PIK3R1: variants seen among roughly 807,000 people sequenced by gnomAD.
The protein encoded by PIK3R1 is phosphatidylinositol 3-kinase regulatory subunit alpha.
A neutral mutation model predicts 98.0 loss-of-function variants in PIK3R1; 29 were observed. The ratio of observed to expected loss-of-function variants is 0.30; its 90% confidence interval spans 0.22 to 0.40. The LOEUF is 0.40. Among genes scored for constraint, PIK3R1 ranks in the 10% least tolerant of loss-of-function variants. The probability of loss-of-function intolerance (pLI) is 1.00; values close to 1 mark genes in which losing one functional copy is unlikely to be tolerated. For synonymous variants in PIK3R1, 282 were observed against 311.8 expected (o/e 0.90, Z 1.01); for missense variants, 596 against 872.7 (o/e 0.68, Z 3.99).
intron 2 of PIK3R1, among the ~76,000 whole-genome samples, chr5:68,260,570 A>G (rs996554607): frequency 6.6e-6 from 1 of 152,218 alleles, no homozygotes; most frequent in African/African-American, 2.4e-5. Context: ...AGAGGTTGTA[A>G]TATCTGCTCT....
intron 7 of PIK3R1, chr5:68,291,908 C>T (rs1214732068): frequency 1.2e-5 from 2 of 170,524 alleles, no homozygotes; most frequent in African/African-American, 4.8e-5. Flanking sequence ...TAGTTTCTTA[C>T]TTTAGATGGA....
At chr5:68,260,539 G>C (rs973086021) in intron 2 of PIK3R1, among the ~76,000 whole-genome samples, 1 of 152,128 alleles carries the variant, frequency 6.6e-6, no homozygotes, top group East Asian at 1.9e-4. Context: ...GAAAGACAAG[G>C]GCCCTTGGAT....
intron 6 of PIK3R1, 76 bp from the exon 7 acceptor site, chr5:68,280,851 A>T: frequency 8.0e-7 from 1 of 1,255,412 alleles, no homozygotes. Context: ...TATCACACAC[A>T]TTCACTTGAG....
intron 1 of PIK3R1, among the ~76,000 whole-genome samples, chr5:68,223,837 A>G (rs564859622): frequency 3.9e-5 from 6 of 152,346 alleles, no homozygotes; most frequent in African/African-American, 1.2e-4. Context: ...TTTTCTTAAT[A>G]CAGAGCCCCC....
At chr5:68,271,076 A>G (rs748302355) in intron 2 of PIK3R1, among the ~76,000 whole-genome samples, 3 of 152,168 alleles carry the variant, frequency 2.0e-5, no homozygotes, top group Non-Finnish European at 2.9e-5. Flanking sequence ...TCTTATCAAA[A>G]GAGTATGTCC....
rs540239981 is a variant in PIK3R1 at position 68,281,810 on chromosome 5, A to G, written c.916+804A>G. On this transcript the variant is annotated intron_variant, in intron 7 of 15. Coordinates refer to ENST00000521381, the MANE Select transcript of PIK3R1 (RefSeq NM_181523.3). ...TTATTATAGGTAATATATGCAGATT[A>G]CCATATTTATCTCTGTATGAGCAGG... 3.5e-4 allele frequency among the ~76,000 whole-genome samples: 53 copies of G among 152,320 alleles called. No individual in the cohort carries two copies. The South Asian group carries it at 8.3e-3, about 24-fold the overall frequency.
intron 15 of PIK3R1, 126 bp from the exon 16 acceptor site, chr5:68,297,286 G>A (rs772603959): frequency 1.1e-5 from 8 of 740,084 alleles, no homozygotes; most frequent in African/African-American, 3.6e-5. Flanking sequence ...CCAGGTGTCA[G>A]TTGTAACCTA....
chr5:68,224,216 G>A (rs1414962035), intron 1 of PIK3R1, among the ~76,000 whole-genome samples: 1 of 152,226 alleles, frequency 6.6e-6, no homozygotes, highest in Non-Finnish European at 1.5e-5. Context: ...TTTGTACAGA[G>A]TACATTAGTA....
intron 5 of PIK3R1, 55 bp downstream of exon 5, chr5:68,279,788 G>A (rs1001526978): frequency 5.2e-6 from 8 of 1,543,800 alleles, no homozygotes. Context: ...ATGTAGAGGT[G>A]CTTGTATATG....
intron 4 of PIK3R1, among the ~76,000 whole-genome samples, chr5:68,274,629 C>T (rs576016043): frequency 3.9e-5 from 6 of 152,246 alleles, no homozygotes; most frequent in African/African-American, 1.4e-4. Context: ...TGAATATTCC[C>T]ACCGGGGCTT....
chr5:68,296,024 C>T (rs569027082), intron 14 of PIK3R1, 147 bp from the exon 15 acceptor site: 19 of 670,632 alleles, frequency 2.8e-5, no homozygotes, highest in Non-Finnish European at 4.0e-5. Context: ...AAACTCAGGT[C>T]GGGCAGAGGC....
intron 2 of PIK3R1, among the ~76,000 whole-genome samples, chr5:68,239,007 G>A (rs1329989495): frequency 2.0e-5 from 3 of 151,390 alleles, no homozygotes; most frequent in Admixed American, 1.3e-4. Flanking sequence ...ATTGATTTTA[G>A]TAGAGTTTTG....
intron 1 of PIK3R1, chr5:68,217,651 T>TGCGCGCGCGCGCGCGC (rs538227188): frequency 2.4e-4 from 34 of 144,178 alleles, no homozygotes; most frequent in South Asian, 1.1e-3. Flanking sequence ...TGTGTGTGTG[T>TGCGCGCGCGCGCGCGC]GTGCGCGCGC....
chr5:68,245,054 A>G (rs1745030799), intron 2 of PIK3R1, among the ~76,000 whole-genome samples: 1 of 152,232 alleles, frequency 6.6e-6, no homozygotes, highest in Non-Finnish European at 1.5e-5. Context: ...TGATTCTCTG[A>G]GACTCAGCTG....
At chr5:68,253,286 A>G (rs1580204752) in intron 2 of PIK3R1, among the ~76,000 whole-genome samples, 1 of 152,180 alleles carries the variant, frequency 6.6e-6, no homozygotes, top group African/African-American at 2.4e-5. Context: ...CACTTATCCT[A>G]CATTTCAGAC....
chr5:68,297,457 T>G lies in PIK3R1; in HGVS notation c.2031T>G (p.Thr677=). ...ATTGTGTCATAAACAAAACAGCAAC[T>G]GGCTATGGCTTTGCCGAGCCCTATA... ...VKHCVINKTA[T]GYGFAEPYNL... The change falls in exon 16 of 16, where the codon ACT becomes ACG. Residue 677 remains threonine (T), a synonymous_variant. Coordinates refer to ENST00000521381, the MANE Select transcript of PIK3R1 (RefSeq NM_181523.3). The G allele has an allele frequency of 6.2e-7, 1 of 1,614,154 alleles. No homozygotes were observed. Among genetic ancestry groups the G allele is most frequent in the Non-Finnish European group, 8.5e-7 (1 of 1,179,968 alleles).
At chr5:68,264,172 C>T (rs1746023606) in intron 2 of PIK3R1, among the ~76,000 whole-genome samples, 4 of 152,126 alleles carry the variant, frequency 2.6e-5, no homozygotes, top group Admixed American at 2.0e-4. Context: ...TTTAGCCTGG[C>T]TGAGTGAGCT....
chr5:68,274,152 C>T, intron 4 of PIK3R1, 139 bp downstream of exon 4: 1 of 727,798 alleles, frequency 1.4e-6, no homozygotes, highest in Non-Finnish European at 2.4e-6. Context: ...GTACAGTTCT[C>T]CCTGCCCTGT....
intron 1 of PIK3R1, among the ~76,000 whole-genome samples, chr5:68,223,696 T>G (rs1435496421): frequency 6.6e-6 from 1 of 152,240 alleles, no homozygotes; most frequent in African/African-American, 2.4e-5. Flanking sequence ...AGACAGGGAT[T>G]GCCTCTCTGG....
Sources: allele counts gnomAD v4.1 joint callset (sites outside exome capture counted in the v4.1 genomes callset), GRCh38; gene constraint gnomAD v4.1.1; transcripts MANE v1.5; gene names NCBI Gene and HGNC (gene_info 2026-07-23, HGNC 2026-07-21).